DPY19L2: variants seen among roughly 807,000 people sequenced by gnomAD.
DPY19L2 encodes the protein dpy-19 like 2, also known as probable C-mannosyltransferase DPY19L2.
A neutral mutation model predicts 97.9 loss-of-function variants in DPY19L2; 34 were observed. That is an observed-to-expected ratio of 0.35 (90% CI 0.26 to 0.46). The LOEUF (loss-of-function observed/expected upper bound fraction) is 0.46, where lower values mean the gene tolerates loss of function less well. Ranked by LOEUF, DPY19L2 falls within the 20% of genes least tolerant of loss-of-function variation. DPY19L2 has a pLI of 1.00. For synonymous variants in DPY19L2, 230 were observed against 307.9 expected, an observed-to-expected ratio of 0.75 and a Z score of 2.65; for missense variants, 623 against 911.4, an observed-to-expected ratio of 0.68 and a Z score of 4.07.
At chr12:63,667,102 T>G (rs1451831863) in intron 1 of DPY19L2, among the ~76,000 whole-genome samples, 1 of 152,138 alleles carries the variant, frequency 6.6e-6, no homozygotes. Context: ...CCATGGTGCA[T>G]TTTTGGACTG....
intron 16 of DPY19L2, chr12:63,590,891 T>C: frequency 3.0e-6 from 1 of 328,060 alleles, no homozygotes; most frequent in Non-Finnish European, 6.3e-6. Flanking sequence ...ATGTAATCAA[T>C]ACATAGACTT....
intron 6 of DPY19L2, among the ~76,000 whole-genome samples, chr12:63,628,302 A>T (rs1406844008): frequency 6.6e-6 from 1 of 152,180 alleles, no homozygotes; most frequent in Non-Finnish European, 1.5e-5. Flanking sequence ...GGGGTCAGGG[A>T]ATTCCCTTTC....
chr12:63,648,488 A>G (rs1482359166), intron 4 of DPY19L2, among the ~76,000 whole-genome samples: 1 of 151,158 alleles, frequency 6.6e-6, no homozygotes, highest in African/African-American at 2.4e-5. Context: ...GTGCAGTGGC[A>G]TGATCTCGGC....
At position 63,559,407 on chromosome 12, in the gene DPY19L2, T is replaced by C. The variant is rs563382459; in HGVS notation, c.*1105A>G. 79 of 152,560 alleles carry C rather than the reference T, an allele frequency of 5.2e-4. No individual in the cohort carries two copies. Among genetic ancestry groups the C allele is most frequent in the African/African-American group, 1.9e-3 (78 of 41,544 alleles). 9.5% of individuals were successfully genotyped at this position (152,560 alleles called of 1,614,324 possible). ...GATGCACATTAAAATACTATAGATC[T>C]GGCATATTTCATATTTATAAAGCAG... On this transcript the variant is annotated 3_prime_UTR_variant, in exon 22 of 22. Transcript: ENST00000324472.
At chr12:63,562,272 A>G (rs1876695847) in intron 21 of DPY19L2, among the ~76,000 whole-genome samples, 2 of 152,094 alleles carry the variant, frequency 1.3e-5, no homozygotes, top group Admixed American at 6.5e-5. Flanking sequence ...AATCCTAATT[A>G]TTGCATGCTT....
At chr12:63,603,606 G>A (rs1885546206) in intron 12 of DPY19L2, among the ~76,000 whole-genome samples, 1 of 152,102 alleles carries the variant, frequency 6.6e-6, no homozygotes, top group Non-Finnish European at 1.5e-5. Context: ...CCACTTATAA[G>A]TGAGAACATG....
At chr12:63,600,188 G>A (rs1565744147) in intron 13 of DPY19L2, 118 bp downstream of exon 13, 21 of 760,084 alleles carry the variant, frequency 2.8e-5, no homozygotes, top group Non-Finnish European at 3.7e-5. Flanking sequence ...CTCGTCTAGA[G>A]ACCTTAGAGA....
intron 6 of DPY19L2, among the ~76,000 whole-genome samples, chr12:63,630,190 T>G (rs561237268): frequency 6.6e-6 from 1 of 152,266 alleles, no homozygotes; most frequent in Non-Finnish European, 1.5e-5. Flanking sequence ...AACATCATAA[T>G]GACAGGATCA....
chr12:63,632,314 C>A (rs1336820999), intron 6 of DPY19L2, among the ~76,000 whole-genome samples: 2 of 152,086 alleles, frequency 1.3e-5, no homozygotes, highest in Non-Finnish European at 2.9e-5. Context: ...ATCTAGAAAA[C>A]CCCACTGTCT....
chr12:63,565,213 G>A (rs1463589031), intron 21 of DPY19L2, among the ~76,000 whole-genome samples: 1 of 152,076 alleles, frequency 6.6e-6, no homozygotes, highest in African/African-American at 2.4e-5. Flanking sequence ...AGCTATATTC[G>A]TTTCCTATTG....
At chr12:63,634,029 C>T (rs3965208) in intron 6 of DPY19L2, among the ~76,000 whole-genome samples, 106,327 of 149,856 alleles carry the variant, frequency 0.71, 38,637 homozygotes, top group African/African-American at 0.86. Context: ...CACATGGACA[C>T]AGGAAGGGGA....
chr12:63,668,262 G>C lies in DPY19L2; in HGVS notation c.132C>G (p.Gly44=). 1 of 1,613,824 alleles carries C rather than the reference G, an allele frequency of 6.2e-7. No homozygotes were observed. The highest frequency in any genetic ancestry group is 1.1e-5 in the South Asian group (1 of 91,064). The part of the protein sequence containing the change: ...EEEMEKSALG[G]GKLPRGSWRS... ...TCCAGGAGCCCCTTGGCAGTTTCCCGCCGCCTAGGGCCGACTTTTCCATCT... is the reference window on the plus strand; with the variant it reads ...TCCAGGAGCCCCTTGGCAGTTTCCCCCCGCCTAGGGCCGACTTTTCCATCT... The change falls in exon 1 of 22, where the codon GGC becomes GGG. Residue 44 remains glycine (G), a synonymous_variant. Coordinates refer to ENST00000324472, the MANE Select transcript of DPY19L2 (RefSeq NM_173812.5).
chr12:63,589,357 CAAAAAAAAAAAAAAAA>C (rs71086687), intron 16 of DPY19L2, among the ~76,000 whole-genome samples: 1,927 of 19,042 alleles, frequency 0.1, 53 homozygotes, highest in Middle Eastern at 0.17. Flanking sequence ...AAATGTGTTG[CAAAAAAAAAAAAAAAA>C]AAAAAAAAAA....
At chr12:63,628,541 G>C (rs1206801179) in intron 6 of DPY19L2, among the ~76,000 whole-genome samples, 2 of 152,138 alleles carry the variant, frequency 1.3e-5, no homozygotes, top group African/African-American at 4.8e-5. Flanking sequence ...CATGGCCAAG[G>C]CTTGAGTAGG....
intron 19 of DPY19L2, among the ~76,000 whole-genome samples, chr12:63,575,188 T>A (rs567611942): frequency 1.2e-4 from 18 of 151,840 alleles, no homozygotes; most frequent in African/African-American, 4.4e-4. Context: ...TCTACAAACA[T>A]ACAAATTAAA....
chr12:63,589,357 CAAAAAAAA>C (rs71086687), intron 16 of DPY19L2, among the ~76,000 whole-genome samples: 289 of 18,806 alleles, frequency 0.015, no homozygotes, highest in Non-Finnish European at 0.024. Context: ...AAATGTGTTG[CAAAAAAAA>C]AAAAAAAAAA....
intron 11 of DPY19L2, among the ~76,000 whole-genome samples, chr12:63,614,863 T>C (rs1887593309): frequency 2.0e-5 from 3 of 152,090 alleles, no homozygotes; most frequent in Non-Finnish European, 4.4e-5. Context: ...CTAGAAACAA[T>C]GACCTACTCA....
chr12:63,593,333 T>A (rs370590066), intron 16 of DPY19L2, among the ~76,000 whole-genome samples: 4 of 152,064 alleles, frequency 2.6e-5, no homozygotes, highest in African/African-American at 7.2e-5. Flanking sequence ...ATAAAGACAC[T>A]TGCACACGTA....
At chr12:63,605,311 G>A (rs1428423849) in intron 12 of DPY19L2, among the ~76,000 whole-genome samples, 1 of 152,130 alleles carries the variant, frequency 6.6e-6, no homozygotes, top group Non-Finnish European at 1.5e-5. Context: ...ACCTGCATGG[G>A]CAGGCTTCTT....
Sources: gnomAD v4.1 joint callset for allele counts (sites outside exome capture counted in the v4.1 genomes callset) on GRCh38, gnomAD v4.1.1 for gene constraint, MANE v1.5 for transcripts, NCBI Gene and HGNC (gene_info 2026-07-23, HGNC 2026-07-21) for gene names.